Variants in HERC2 observed in about 807,000 individuals in gnomAD.
HERC2 encodes E3 ubiquitin-protein ligase HERC2.
A neutral mutation model predicts 537.7 loss-of-function variants in HERC2; 102 were observed. The observed-to-expected ratio is 0.19, with a 90% CI of 0.16 to 0.22. The LOEUF (loss-of-function observed/expected upper bound fraction) is 0.22. HERC2 is among the 10% of genes least tolerant of loss of function. The probability of loss-of-function intolerance (pLI) is 1.00; values close to 1 mark genes in which losing one functional copy is unlikely to be tolerated. For missense variants in HERC2, 4,236 were observed against 6,198.2 expected, an observed-to-expected ratio of 0.68 and a Z score of 10.63; for synonymous variants, 2,224 against 2,466.2, an observed-to-expected ratio of 0.90 and a Z score of 2.91.
chr15:28,136,258 C>A (rs888569473), intron 78 of HERC2, among the ~76,000 whole-genome samples: 1 of 152,168 alleles, frequency 6.6e-6, no homozygotes, highest in Admixed American at 6.5e-5. Context: ...AGGCAAACAT[C>A]CCTCCTGATA....
At chr15:28,133,325 G>C (rs1890298347) in intron 79 of HERC2, among the ~76,000 whole-genome samples, 1 of 152,074 alleles carries the variant, frequency 6.6e-6, no homozygotes, top group South Asian at 2.1e-4. Flanking sequence ...ATTAAGTTCT[G>C]AAAGAAGTTC....
At chr15:28,239,159 C>T (rs1479418034) in intron 23 of HERC2, among the ~76,000 whole-genome samples, 1 of 151,972 alleles carries the variant, frequency 6.6e-6, no homozygotes, top group East Asian at 1.9e-4. Context: ...TTATAAGTAA[C>T]CCAAAATTCT....
Position 28,141,629 on chromosome 15 carries a change from G to T in HERC2, c.11818C>A (p.Arg3940=), listed in dbSNP as rs149707599. ...GCAGAGAGAGTCCAGTCATCTGGTCGCCTACAATACACATCAAGTGAGCAT... is the reference window on the plus strand; with the variant it reads ...GCAGAGAGAGTCCAGTCATCTGGTCTCCTACAATACACATCAAGTGAGCAT... ...DEQLVQWMNR[R]PDDWTLSAGG... Residue 3940 remains arginine (R), a splice_region_variant and synonymous_variant, in exon 78 of 93, where the codon CGA becomes AGA. Transcript: ENST00000261609. 341 of 1,614,076 alleles carry T rather than the reference G, an allele frequency of 2.1e-4. 1 individual carries two copies. In the African/African-American group the frequency reaches 3.9e-3, roughly 19 times the overall value.
At chr15:28,310,476 A>C (rs1288527924) in intron 2 of HERC2, among the ~76,000 whole-genome samples, 1 of 152,076 alleles carries the variant, frequency 6.6e-6, no homozygotes, top group African/African-American at 2.4e-5. Flanking sequence ...TAAAAAATTA[A>C]AATAATATAA....
At chr15:28,173,068 G>A (rs1011506600) in intron 65 of HERC2, among the ~76,000 whole-genome samples, 16 of 152,196 alleles carry the variant, frequency 1.1e-4, no homozygotes, top group Non-Finnish European at 1.6e-4. Context: ...ACGTCTATCA[G>A]TATAACTAAA....
At chr15:28,218,772 T>C (rs1271472398) in intron 37 of HERC2, 101 bp from the exon 38 acceptor site, 9 of 1,057,604 alleles carry the variant, frequency 8.5e-6, no homozygotes, top group African/African-American at 1.6e-5. Context: ...CTTGTTTTAT[T>C]GAAGACTTGA....
At chr15:28,241,047 G>A (rs977578263) in intron 23 of HERC2, among the ~76,000 whole-genome samples, 1 of 152,182 alleles carries the variant, frequency 6.6e-6, no homozygotes, top group Non-Finnish European at 1.5e-5. Flanking sequence ...AAATAGGTAA[G>A]TTGGACTTGA....
intron 31 of HERC2, among the ~76,000 whole-genome samples, 192 bp downstream of exon 31, chr15:28,230,175 A>G (rs1227055737): frequency 1.3e-5 from 2 of 152,004 alleles, no homozygotes; most frequent in East Asian, 3.8e-4. Context: ...AATACCAAAA[A>G]TAAAAGGAAA....
intron 69 of HERC2, among the ~76,000 whole-genome samples, chr15:28,162,141 C>T (rs1311075925): frequency 6.6e-6 from 1 of 151,970 alleles, no homozygotes. Context: ...ACCAGCCGGG[C>T]CAACATGGTG....
Position 28,245,561 on chromosome 15 carries a change from AT to A in HERC2, c.3577+319del, listed in dbSNP as rs1439475905. 8.0e-3 allele frequency among the ~76,000 whole-genome samples: 661 copies of A among 82,980 alleles called. 13 individuals carry two copies. The highest frequency in any genetic ancestry group is 0.018 in the African/African-American group (402 of 22,898). The allele number at this position is 82,980 out of a possible 152,430, so 54.4% of individuals were successfully genotyped here. A position where few individuals can be genotyped will look rare whatever the true frequency, so the allele number is the denominator to read the frequency against. On this transcript the variant is annotated intron_variant, in intron 23 of 92. Transcript: ENST00000261609. ...GATGTAGTGTCAAAAAAAAAAAAAA[AT>A]ATATACACACACACACACACACACA...
rs2075291689 is a variant in HERC2 at position 28,257,280 on chromosome 15, A to G, written c.2317-19T>C. 1 of 1,607,130 alleles carries G rather than the reference A, an allele frequency of 6.2e-7. No homozygotes were observed. The highest frequency in any genetic ancestry group is 1.1e-5 in the South Asian group (1 of 90,692). ...CAAAGCTCTAAGAGGAAACGCAACA[A>G]TCTAAAATGAATCTCCAAATGCAGC... On this transcript the variant is annotated intron_variant, in intron 16 of 92. Coordinates refer to ENST00000261609, the MANE Select transcript of HERC2 (RefSeq NM_004667.6).
chr15:28,142,210 A>G (rs781040792), intron 76 of HERC2, 28 bp downstream of exon 76: 6 of 1,603,836 alleles, frequency 3.7e-6, no homozygotes, highest in Admixed American at 1.7e-5. Flanking sequence ...TTGCATCCCA[A>G]AAGTGATTCC....
At chr15:28,261,018 G>A (rs757511654) in intron 15 of HERC2, 48 bp from the exon 16 acceptor site, 20 of 1,425,220 alleles carry the variant, frequency 1.4e-5, no homozygotes, top group South Asian at 2.4e-5. Context: ...TATGACTTCC[G>A]CTGCAAGAAA....
chr15:28,290,570 ACCATATTCTGGGGC>A (rs1198527702), intron 4 of HERC2, among the ~76,000 whole-genome samples: 11 of 152,304 alleles, frequency 7.2e-5, no homozygotes, highest in Non-Finnish European at 1.5e-5. Context: ...CACAGAATAC[ACCATATTCTGGGGC>A]TTCAGACAAG....
intron 57 of HERC2, among the ~76,000 whole-genome samples, chr15:28,181,897 A>C (rs1895857992): frequency 6.6e-6 from 1 of 152,220 alleles, no homozygotes; most frequent in African/African-American, 2.4e-5. Context: ...CACCCACAAC[A>C]AGCCCTGCAG....
intron 2 of HERC2, among the ~76,000 whole-genome samples, chr15:28,309,864 T>C (rs1474046033): frequency 1.3e-4 from 20 of 152,220 alleles, no homozygotes; most frequent in African/African-American, 4.8e-4. Context: ...CCTTCAGTTT[T>C]TGTAGAAGGA....
At chr15:28,121,530 T>C in intron 85 of HERC2, 101 bp from the exon 86 acceptor site, 2 of 967,484 alleles carry the variant, frequency 2.1e-6, no homozygotes, top group Non-Finnish European at 3.3e-6. Context: ...GTTGAAGACC[T>C]TCTTAAGGAC....
intron 56 of HERC2, among the ~76,000 whole-genome samples, chr15:28,185,752 C>T (rs1029213139): frequency 3.3e-5 from 5 of 152,176 alleles, no homozygotes; most frequent in Non-Finnish European, 7.4e-5. Flanking sequence ...GGGAAGTTTT[C>T]CTTGTCCTGA....
intron 71 of HERC2, 139 bp downstream of exon 71, chr15:28,146,098 A>G: frequency 1.6e-6 from 1 of 636,102 alleles, no homozygotes; most frequent in Non-Finnish European, 2.8e-6. Context: ...ACTGTGTTTC[A>G]CAGCTGAATA....
Sources: allele counts gnomAD v4.1 joint callset (sites outside exome capture counted in the v4.1 genomes callset), GRCh38; gene constraint gnomAD v4.1.1; transcripts MANE v1.5; gene names NCBI Gene and HGNC (gene_info 2026-07-23, HGNC 2026-07-21).